Variants in STK24 observed in about 807,000 individuals in gnomAD.
STK24 encodes the protein serine/threonine-protein kinase 24.
Under a neutral mutation model 55.6 loss-of-function variants are expected in STK24, and 21 were observed. The ratio of observed to expected loss-of-function variants is 0.38; its 90% confidence interval spans 0.27 to 0.54. The LOEUF (loss-of-function observed/expected upper bound fraction) is 0.54, where lower values mean the gene tolerates loss of function less well. STK24 is among the 20% of genes least tolerant of loss of function. STK24 has a pLI of 0.79. For missense variants in STK24, 383 were observed against 538.4 expected (o/e 0.71, Z 2.86); for synonymous variants, 200 against 215.2 (o/e 0.93, Z 0.62).
At chr13:98,483,818 A>G (rs578069016) in intron 2 of STK24, among the ~76,000 whole-genome samples, 84 of 152,358 alleles carry the variant, frequency 5.5e-4, no homozygotes, top group South Asian at 2.7e-3. Context: ...GGAGGCGCTA[A>G]CGGTAAGATG....
At chr13:98,533,596 G>A (rs1452691732) in intron 1 of STK24, among the ~76,000 whole-genome samples, 1 of 151,988 alleles carries the variant, frequency 6.6e-6, no homozygotes, top group Non-Finnish European at 1.5e-5. Flanking sequence ...GCTGCAATGA[G>A]TTATGATTGA....
At chr13:98,529,194 T>G (rs1896513535) in intron 1 of STK24, among the ~76,000 whole-genome samples, 1 of 152,002 alleles carries the variant, frequency 6.6e-6, no homozygotes, top group South Asian at 2.1e-4. Context: ...CACCACGTGT[T>G]TCATCGTTAA....
chr13:98,482,401 C>A, intron 2 of STK24, 80 bp from the exon 3 acceptor site: 1 of 775,432 alleles, frequency 1.3e-6, no homozygotes, highest in Non-Finnish European at 2.1e-6. Flanking sequence ...GGGTATTTTT[C>A]ACAATTATAT....
At position 98,452,932 on chromosome 13, in the gene STK24, T is replaced by TAATAA. The variant is rs913278491; in HGVS notation, c.*236_*240dup. 2.3e-6 allele frequency: 1 copy of TAATAA among 432,884 alleles called. No homozygotes were observed. The highest frequency in any genetic ancestry group is 2.0e-5 in the African/African-American group (1 of 49,074). 26.8% of individuals were successfully genotyped at this position (432,884 alleles called of 1,614,324 possible). A position where few individuals can be genotyped will look rare whatever the true frequency, so the allele number is the denominator to read the frequency against. On this transcript the variant is annotated 3_prime_UTR_variant, in exon 11 of 11. Coordinates refer to ENST00000539966, the MANE Select transcript of STK24 (RefSeq NM_001032296.4). ...CTATGGTTAAAATTAAAAACAAAAG[T>TAATAA]AATAAAATAAAATAAAATGATCGCT...
At chr13:98,485,753 A>G (rs1894780902) in intron 2 of STK24, among the ~76,000 whole-genome samples, 1 of 152,244 alleles carries the variant, frequency 6.6e-6, no homozygotes, top group African/African-American at 2.4e-5. Context: ...CTTTAGTCTC[A>G]GTCATCATTT....
chr13:98,521,109 C>G (rs1482343677), intron 1 of STK24, among the ~76,000 whole-genome samples: 1 of 152,304 alleles, frequency 6.6e-6, no homozygotes, highest in South Asian at 2.1e-4. Context: ...CGAGGTCTAA[C>G]GAGCGGCCAG....
rs1036797620 is a variant in STK24, at chr13:98,453,035, A to C, written c.*138T>G. 1.0e-5 allele frequency: 9 copies of C among 887,004 alleles called. No homozygotes were observed. In the African/African-American group the frequency reaches 1.5e-4, roughly 15 times the overall value. 54.9% of individuals were successfully genotyped at this position (887,004 alleles called of 1,614,324 possible). A position where few individuals can be genotyped will look rare whatever the true frequency, so the allele number is the denominator to read the frequency against. ...CAGTGAAGACTGTGTGTGTCCCTGG[A>C]CGGGCGCCTGGCGCTGGGGTGGCTC... On this transcript the variant is annotated 3_prime_UTR_variant, in exon 11 of 11. Coordinates refer to ENST00000539966, the MANE Select transcript of STK24 (RefSeq NM_001032296.4).
chr13:98,558,460 A>AG (rs947568930), intron 1 of STK24, among the ~76,000 whole-genome samples: 7 of 152,126 alleles, frequency 4.6e-5, no homozygotes, highest in African/African-American at 1.7e-4. Flanking sequence ...ACAATGGAGA[A>AG]GGGGGTACTG....
intron 1 of STK24, among the ~76,000 whole-genome samples, chr13:98,537,132 C>T (rs1896758705): frequency 6.6e-6 from 1 of 152,224 alleles, no homozygotes; most frequent in South Asian, 2.1e-4. Context: ...CGTTCTTCAG[C>T]CTACACTGTG....
At chr13:98,554,836 G>A (rs111235025) in intron 1 of STK24, among the ~76,000 whole-genome samples, 2,368 of 152,014 alleles carry the variant, frequency 0.016, 59 homozygotes, top group African/African-American at 0.048. Context: ...CCAACATGGT[G>A]AAACCCAGTC....
At chr13:98,514,955 C>T (rs762669049) in intron 2 of STK24, among the ~76,000 whole-genome samples, 11 of 151,952 alleles carry the variant, frequency 7.2e-5, no homozygotes, top group African/African-American at 1.2e-4. Flanking sequence ...AGTATATCTG[C>T]GTTTCCTCAA....
At chr13:98,525,049 G>A (rs574117665) in intron 1 of STK24, among the ~76,000 whole-genome samples, 5 of 152,234 alleles carry the variant, frequency 3.3e-5, no homozygotes, top group South Asian at 4.1e-4. Flanking sequence ...GGTTCCCTGC[G>A]CGGGCAGCCC....
At chr13:98,527,700 C>T (rs761244420) in intron 1 of STK24, among the ~76,000 whole-genome samples, 3 of 152,166 alleles carry the variant, frequency 2.0e-5, no homozygotes, top group African/African-American at 4.8e-5. Flanking sequence ...GCAGAGGACA[C>T]GGGACCAGGA....
chr13:98,567,696 T>G (rs935115600), intron 1 of STK24, among the ~76,000 whole-genome samples: 1 of 152,188 alleles, frequency 6.6e-6, no homozygotes, highest in African/African-American at 2.4e-5. Context: ...CCCGCCGCCC[T>G]GGCCCAGCAG....
At chr13:98,514,672 G>A (rs1266279255) in intron 2 of STK24, among the ~76,000 whole-genome samples, 1 of 152,198 alleles carries the variant, frequency 6.6e-6, no homozygotes, top group Non-Finnish European at 1.5e-5. Flanking sequence ...TGGCAAGGAA[G>A]AAATTTGAAA....
At chr13:98,547,156 C>A (rs1189044163) in intron 1 of STK24, among the ~76,000 whole-genome samples, 3 of 152,178 alleles carry the variant, frequency 2.0e-5, no homozygotes, top group Non-Finnish European at 4.4e-5. Context: ...TCGTGATCCA[C>A]CCGCCTCGGC....
At chr13:98,519,834 T>A (rs1323830487) in intron 1 of STK24, among the ~76,000 whole-genome samples, 2 of 152,216 alleles carry the variant, frequency 1.3e-5, no homozygotes, top group Non-Finnish European at 2.9e-5. Context: ...CACTTTTGTC[T>A]AAGCAAAAAT....
chr13:98,522,085 T>C (rs1896280520), intron 1 of STK24: 1 of 1,356,854 alleles, frequency 7.4e-7, no homozygotes, highest in South Asian at 1.6e-5. Flanking sequence ...GCAGCCTGGC[T>C]CCGCTCTGGA....
At chr13:98,506,498 G>A (rs1390799598) in intron 2 of STK24, among the ~76,000 whole-genome samples, 4 of 152,220 alleles carry the variant, frequency 2.6e-5, no homozygotes. Context: ...AGCAGCTGAT[G>A]CGAGCACAGG....
Sources: allele counts gnomAD v4.1 joint callset (sites outside exome capture counted in the v4.1 genomes callset), GRCh38; gene constraint gnomAD v4.1.1; transcripts MANE v1.5; gene names NCBI Gene and HGNC (gene_info 2026-07-23, HGNC 2026-07-21).